The following GPR173 variants were observed in gnomAD, a reference collection of about 807,000 sequenced individuals.
GPR173 encodes the protein probable G protein-coupled receptor 173.
A neutral mutation model predicts 13.9 loss-of-function variants in GPR173; 2 were observed. That is an observed-to-expected ratio of 0.14 (90% CI 0.06 to 0.45). GPR173 has a LOEUF of 0.45. GPR173 is among the 20% of genes least tolerant of loss of function. The probability of loss-of-function intolerance (pLI) is 0.98; values close to 1 mark genes in which losing one functional copy is unlikely to be tolerated. For synonymous variants in GPR173, 131 were observed against 141.0 expected (o/e 0.93, Z 0.50); for missense variants, 202 against 340.5 (o/e 0.59, Z 3.20).
intron 1 of GPR173, among the ~76,000 whole-genome samples, chrX:53,062,413 C>G (rs1932137720): frequency 9.1e-6 from 1 of 109,418 alleles, no homozygotes; most frequent in Non-Finnish European, 1.9e-5. Context: ...AGATGTTAGC[C>G]TATGAAAATA....
Position 53,077,155 on chromosome X carries a change from T to G in GPR173, c.534T>G (p.His178Gln). 8.3e-7 allele frequency: 1 copy of G among 1,208,645 alleles called. No homozygotes were observed. The highest frequency in any genetic ancestry group is 1.1e-6 in the Non-Finnish European group (1 of 893,053). The change falls in exon 2 of 2, where the codon CAT becomes CAG. Residue 178 changes from histidine to glutamine, a missense_variant. Physicochemically the swap from His to Gln is conservative, Grantham distance 24. Coordinates refer to ENST00000332582, the MANE Select transcript of GPR173 (RefSeq NM_018969.6). ...IREEDQCIFE[H>Q]RYFKANDTLG... ...AGGAGGACCAGTGCATCTTTGAGCA[T>G]CGCTACTTCAAGGCCAATGACACGC...
Position 53,076,914 on chromosome X carries a change from T to C in GPR173, c.293T>C (p.Ile98Thr), listed in dbSNP as rs1556805899. The C allele has an allele frequency of 1.7e-6, 2 of 1,209,884 alleles. No homozygotes were observed. Among genetic ancestry groups the C allele is most frequent in the South Asian group, 1.8e-5 (1 of 57,062 alleles). The change falls in exon 2 of 2, where the codon ATT (isoleucine) becomes ACT (threonine). Residue 98 changes from isoleucine to threonine, a missense_variant. Transcript: ENST00000332582. ...ACCTTCAGTGCACTCAGCTGCAAGA[T>C]TGTGGCCTTTATGGCCGTGCTCTTT... ...SWTFSALSCK[I>T]VAFMAVLFCF...
rs782609092 is a variant in GPR173 at position 53,076,975 on chromosome X, C to T, written c.354C>T (p.Ser118=). ...CGGCCTTCATGCTGTTCTGCATCAG[C>T]GTCACCCGCTACATGGCCATCGCCC... ...FHAAFMLFCI[S]VTRYMAIAHH... Residue 118 remains serine (S), a synonymous_variant, in exon 2 of 2, where the codon AGC becomes AGT. Transcript: ENST00000332582. The T allele has an allele frequency of 1.7e-6, 2 of 1,209,793 alleles. No individual in the cohort carries two copies. Among genetic ancestry groups the T allele is most frequent in the Non-Finnish European group, 1.1e-6 (1 of 895,022 alleles).
chrX:53,067,601 G>A lies in GPR173; in HGVS notation c.-97-8924G>A, dbSNP rs782221655. Among the ~76,000 whole-genome samples, 11 of 111,337 alleles carry A rather than the reference G, an allele frequency of 9.9e-5. No individual in the cohort carries two copies. The South Asian group carries it at 1.5e-3, about 15-fold the overall frequency. ...AGCACTTTGGGAGGTCGAGGCGGGC[G>A]GATCACGAGGTCAGGAGATCAAGAC... On this transcript the variant is annotated intron_variant, in intron 1 of 1. Transcript: ENST00000332582.
At chrX:53,074,005 AT>A (rs782246134) in intron 1 of GPR173, among the ~76,000 whole-genome samples, 1 of 18,711 alleles carries the variant, frequency 5.3e-5, no homozygotes, top group Non-Finnish European at 7.3e-5. Context: ...ATAAATATAT[AT>A]TATACATAAA....
chrX:53,076,294 C>T (rs1453800422), intron 1 of GPR173, among the ~76,000 whole-genome samples: 1 of 110,000 alleles, frequency 9.1e-6, no homozygotes, highest in Non-Finnish European at 1.9e-5. Context: ...TCTCTCTCCT[C>T]GCTCTTTCTC....
intron 1 of GPR173, among the ~76,000 whole-genome samples, chrX:53,060,232 C>T (rs782691148): frequency 9.2e-6 from 1 of 108,924 alleles, no homozygotes; most frequent in East Asian, 2.9e-4. Context: ...TCACTGCAAC[C>T]TCTGCCTCCC....
intron 1 of GPR173, among the ~76,000 whole-genome samples, chrX:53,051,059 T>C (rs782124751): frequency 4.5e-5 from 5 of 112,296 alleles, no homozygotes; most frequent in Non-Finnish European, 7.5e-5. Flanking sequence ...GGTCAGTGGT[T>C]GGCAGGGCCT....
chrX:53,069,515 C>G (rs1277323082), intron 1 of GPR173, among the ~76,000 whole-genome samples: 1 of 111,996 alleles, frequency 8.9e-6, no homozygotes, highest in Non-Finnish European at 1.9e-5. Context: ...GCTCGTTTGT[C>G]CACTTACAAG....
chrX:53,057,015 A>G (rs1008774447), intron 1 of GPR173, among the ~76,000 whole-genome samples: 2 of 111,974 alleles, frequency 1.8e-5, no homozygotes, highest in Non-Finnish European at 3.8e-5. Context: ...TATTAGCTGT[A>G]TGGCTTTGGG....
chrX:53,076,840 C>T lies in GPR173; in HGVS notation c.219C>T (p.Ala73=), dbSNP rs781977284. ...GCCTGGCCGATGGCATACGCTCTGC[C>T]GTCTGCTTCCCCTTTGTGCTGGCTT... ...DLCLADGIRS[A]VCFPFVLASV... Residue 73 remains alanine (A), a synonymous_variant, in exon 2 of 2, where the codon GCC becomes GCT. Coordinates refer to ENST00000332582, the MANE Select transcript of GPR173 (RefSeq NM_018969.6). The T allele has an allele frequency of 1.7e-6, 2 of 1,210,038 alleles. No homozygotes were observed. The highest frequency in any genetic ancestry group is 2.2e-5 in the Admixed American group (1 of 46,105).
intron 1 of GPR173, among the ~76,000 whole-genome samples, chrX:53,074,302 A>C (rs1932366924): frequency 1.4e-5 from 1 of 71,158 alleles, no homozygotes; most frequent in Non-Finnish European, 2.3e-5. Context: ...ATATATATAA[A>C]TATACATTCA....
At position 53,049,040 on chromosome X, in the gene GPR173, C is replaced by A. The variant is rs1397953219; in HGVS notation, c.-542C>A. ...CGTGTCTTCTGAGGACAAAAGGCGG[C>A]GGCCAGCAGGCAGACGGAGGGGGGG... On this transcript the variant is annotated 5_prime_UTR_variant, in exon 1 of 2. Coordinates refer to ENST00000332582, the MANE Select transcript of GPR173 (RefSeq NM_018969.6). The A allele has an allele frequency of 1.3e-5, 1 of 79,454 alleles. No individual in the cohort carries two copies. Among genetic ancestry groups the A allele is most frequent in the Non-Finnish European group, 2.2e-5 (1 of 44,591 alleles). The allele number at this position is 79,454 out of a possible 1,213,427, so 6.5% of individuals were successfully genotyped here.
In GPR173 at chrX:53,076,933, G is replaced by T; in HGVS notation, c.312G>T (p.Val104=). Residue 104 remains valine, a synonymous_variant, in exon 2 of 2, where the codon GTG becomes GTT. Coordinates refer to ENST00000332582, the MANE Select transcript of GPR173 (RefSeq NM_018969.6). ...GCAAGATTGTGGCCTTTATGGCCGT[G>T]CTCTTTTGCTTCCATGCGGCCTTCA... The part of the protein sequence containing the change: ...LSCKIVAFMA[V]LFCFHAAFML... 1 of 1,208,911 alleles carries T rather than the reference G, an allele frequency of 8.3e-7. No individual in the cohort carries two copies.
chrX:53,056,822 T>G lies in GPR173; in HGVS notation c.-98+7338T>G, dbSNP rs1447147444. Among the ~76,000 whole-genome samples, 18 of 111,582 alleles carry G rather than the reference T, an allele frequency of 1.6e-4. No individual in the cohort carries two copies. The Admixed American group carries it at 1.7e-3, about 11-fold the overall frequency. Reference sequence around the variant, plus strand: ...GTGAACGTGTCCATGTTTGTTTATGTATGTGACTAGGTGCGTGTGGCCATT... The same window carrying G: ...GTGAACGTGTCCATGTTTGTTTATGGATGTGACTAGGTGCGTGTGGCCATT... On this transcript the variant is annotated intron_variant, in intron 1 of 1. Coordinates refer to ENST00000332582, the MANE Select transcript of GPR173 (RefSeq NM_018969.6).
At chrX:53,054,398 G>T (rs782025639) in intron 1 of GPR173, among the ~76,000 whole-genome samples, 1 of 110,078 alleles carries the variant, frequency 9.1e-6, no homozygotes, top group African/African-American at 3.3e-5. Flanking sequence ...CAGCTACTTG[G>T]GAGGCTGAGA....
chrX:53,072,480 A>T (rs1449512233), intron 1 of GPR173, among the ~76,000 whole-genome samples: 33 of 74,875 alleles, frequency 4.4e-4, no homozygotes, highest in African/African-American at 8.1e-4. Flanking sequence ...CTTTTTTCTC[A>T]CTCTCATTTT....
chrX:53,051,962 G>A (rs1373230396), intron 1 of GPR173, among the ~76,000 whole-genome samples: 1 of 111,075 alleles, frequency 9.0e-6, no homozygotes, highest in East Asian at 2.8e-4. Context: ...TATCTGTCCT[G>A]CATTTGTGTA....
At chrX:53,067,949 T>G (rs941650625) in intron 1 of GPR173, among the ~76,000 whole-genome samples, 3 of 112,364 alleles carry the variant, frequency 2.7e-5, no homozygotes, top group Non-Finnish European at 5.6e-5. Flanking sequence ...ATAGTAAGTA[T>G]GAAATCCCAC....
Sources: allele counts gnomAD v4.1 joint callset (sites outside exome capture counted in the v4.1 genomes callset), GRCh38; gene constraint gnomAD v4.1.1; transcripts MANE v1.5; gene names NCBI Gene and HGNC (gene_info 2026-07-23, HGNC 2026-07-21).